The following ECI1 variants were observed in gnomAD, a reference collection of about 807,000 sequenced individuals.
ECI1 encodes the protein enoyl-CoA delta isomerase 1, mitochondrial.
ECI1 carries 34 observed loss-of-function variants against 34.2 expected under a neutral mutation model. That is an observed-to-expected ratio of 1.00 (90% confidence interval 0.76 to 1.33). The LOEUF is 1.33. Among genes scored for constraint, ECI1 ranks in the 40% most tolerant of loss-of-function variants. ECI1 has a pLI of 0.00. For synonymous variants in ECI1, 211 were observed against 193.0 expected (o/e 1.09, Z -0.77); for missense variants, 456 against 422.2 (o/e 1.08, Z -0.70).
intron 2 of ECI1, 43 bp downstream of exon 2, chr16:2,251,273 G>A: frequency 9.8e-7 from 1 of 1,017,800 alleles, no homozygotes; most frequent in South Asian, 4.4e-5. Context: ...ACCCCCGCGG[G>A]TCCTGACCCC....
rs562082375 is a variant in ECI1 at position 2,243,104 on chromosome 16, C to T, written c.684G>A (p.Pro228=). The T allele has an allele frequency of 2.4e-5, 39 of 1,605,700 alleles. No homozygotes were observed. Among genetic ancestry groups the T allele is most frequent in the Middle Eastern group, 3.6e-4 (2 of 5,572 alleles). ...LQVGIVDQVV[P]EEQVQSTALS... ...GCGCAGTGCTCTGCACCTGCTCCTC[C>T]GGGACCACCTGGTCCACTATGCCCA... Residue 228 remains proline, a synonymous_variant, in exon 6 of 7, where the codon CCG becomes CCA. Transcript: ENST00000301729.
rs541265212 is a variant in ECI1, at chr16:2,249,941, G to C, written c.166+1375C>G. ...AGTTTGGAGTCAGAAAGTCAGGCCT[G>C]ACTGAGATTGCAGTGAGCCGGAACC... On this transcript the variant is annotated intron_variant, in intron 2 of 6. Coordinates refer to ENST00000301729, the MANE Select transcript of ECI1 (RefSeq NM_001919.4). 4.9e-3 allele frequency among the ~76,000 whole-genome samples: 700 copies of C among 142,340 alleles called. 3 individuals carry two copies. The highest frequency in any genetic ancestry group is 8.0e-3 in the Non-Finnish European group (527 of 66,002). 93.4% of individuals were successfully genotyped at this position (142,340 alleles called of 152,430 possible).
At chr16:2,242,930 C>T (rs755188124) in intron 6 of ECI1, 116 bp downstream of exon 6, 2 of 835,062 alleles carry the variant, frequency 2.4e-6, no homozygotes, top group Non-Finnish European at 3.9e-6. Flanking sequence ...CTGACACCCA[C>T]ATGGCTGTGA....
chr16:2,247,346 C>T (rs938608665), intron 2 of ECI1, among the ~76,000 whole-genome samples: 1 of 152,216 alleles, frequency 6.6e-6, no homozygotes, highest in Non-Finnish European at 1.5e-5. Context: ...CTGCCCACGT[C>T]GGCCTCCCAA....
intron 2 of ECI1, among the ~76,000 whole-genome samples, chr16:2,248,947 C>T (rs1212256683): frequency 6.6e-6 from 1 of 152,120 alleles, no homozygotes; most frequent in African/African-American, 2.4e-5. Context: ...ACTGGGATAC[C>T]GCCGGGCTTT....
intron 6 of ECI1, 42 bp from the exon 7 acceptor site, chr16:2,240,187 G>A (rs1297418349): frequency 1.9e-6 from 3 of 1,603,272 alleles, no homozygotes; most frequent in Admixed American, 1.7e-5. Flanking sequence ...CACTTTCAGG[G>A]GCAGTGGGGT....
chr16:2,248,948 G>A (rs1300016341), intron 2 of ECI1, among the ~76,000 whole-genome samples: 1 of 152,142 alleles, frequency 6.6e-6, no homozygotes, highest in African/African-American at 2.4e-5. Context: ...CTGGGATACC[G>A]CCGGGCTTTG....
intron 2 of ECI1, among the ~76,000 whole-genome samples, chr16:2,249,265 G>A (rs11645584): frequency 0.11 from 16,473 of 151,552 alleles, 1,135 homozygotes; most frequent in Middle Eastern, 0.16. Context: ...TAGCCAGAAT[G>A]GTCTCAATCT....
intron 4 of ECI1, chr16:2,244,037 C>T: frequency 2.7e-6 from 1 of 366,836 alleles, no homozygotes; most frequent in Non-Finnish European, 5.3e-6. Flanking sequence ...AGGTTAAGCC[C>T]CCGTGTTGTT....
At chr16:2,246,793 T>C in intron 3 of ECI1, 66 bp downstream of exon 3, 1 of 1,608,688 alleles carries the variant, frequency 6.2e-7, no homozygotes. Flanking sequence ...GCAACAGGCC[T>C]GGGCTCACAT....
Position 2,246,732 on chromosome 16 carries a change from G to C in ECI1, c.294+127C>G, listed in dbSNP as rs551728983. 8.2e-6 allele frequency: 12 copies of C among 1,459,010 alleles called. No individual in the cohort carries two copies. The South Asian group carries it at 1.1e-4, about 14-fold the overall frequency. 90.4% of individuals were successfully genotyped at this position (1,459,010 alleles called of 1,614,324 possible). On this transcript the variant is annotated intron_variant, in intron 3 of 6. Transcript: ENST00000301729. ...AGGCGCCTGGAGTCCAGGGTGGTGGGGCTGCCGGCTGGCCTGTGCCACACG... is the reference window on the plus strand; with the variant it reads ...AGGCGCCTGGAGTCCAGGGTGGTGGCGCTGCCGGCTGGCCTGTGCCACACG...
chr16:2,244,609 C>T, intron 3 of ECI1, 57 bp from the exon 4 acceptor site: 1 of 1,543,304 alleles, frequency 6.5e-7, no homozygotes, highest in South Asian at 1.2e-5. Flanking sequence ...GCTGGCATCA[C>T]AGCAGGAGGG....
intron 2 of ECI1, among the ~76,000 whole-genome samples, chr16:2,248,803 C>T (rs1209114697): frequency 6.6e-6 from 1 of 152,180 alleles, no homozygotes; most frequent in East Asian, 1.9e-4. Flanking sequence ...TGCCTAGTTC[C>T]AGAACCTTTT....
At chr16:2,245,976 A>C (rs1381827917) in intron 3 of ECI1, among the ~76,000 whole-genome samples, 4 of 152,036 alleles carry the variant, frequency 2.6e-5, no homozygotes, top group African/African-American at 9.7e-5. Context: ...ATAAATATAT[A>C]AGGCTGGACG....
At chr16:2,245,560 T>A (rs1177833572) in intron 3 of ECI1, among the ~76,000 whole-genome samples, 1 of 152,186 alleles carries the variant, frequency 6.6e-6, no homozygotes, top group Non-Finnish European at 1.5e-5. Flanking sequence ...CAAAACGCGT[T>A]CTACTTCCGT....
At chr16:2,241,715 A>G (rs1049543348) in intron 6 of ECI1, 4 of 150,882 alleles carry the variant, frequency 2.7e-5, no homozygotes, top group African/African-American at 9.8e-5. Context: ...TTTTTGAGAC[A>G]GAGTCTCACT....
At chr16:2,240,624 T>TG (rs530542336) in intron 6 of ECI1, 254 of 174,510 alleles carry the variant, frequency 1.5e-3, no homozygotes, top group African/African-American at 5.8e-3. Flanking sequence ...TGGGCTCAGG[T>TG]GATCCTCTCA....
At chr16:2,245,317 ACT>A (rs1290720480) in intron 3 of ECI1, among the ~76,000 whole-genome samples, 2 of 152,102 alleles carry the variant, frequency 1.3e-5, no homozygotes, top group African/African-American at 4.8e-5. Context: ...GCTCACCCTG[ACT>A]CACACAAGCA....
chr16:2,244,330 C>T (rs1452359774), intron 4 of ECI1, 76 bp downstream of exon 4: 1 of 1,494,910 alleles, frequency 6.7e-7, no homozygotes, highest in African/African-American at 1.4e-5. Flanking sequence ...ATTCCAAGGG[C>T]AGGACAGTGT....
Sources: allele counts gnomAD v4.1 joint callset (sites outside exome capture counted in the v4.1 genomes callset), GRCh38; gene constraint gnomAD v4.1.1; transcripts MANE v1.5; gene names NCBI Gene and HGNC (gene_info 2026-07-23, HGNC 2026-07-21).